TGFA: variants seen among roughly 807,000 people sequenced by gnomAD.
TGFA encodes the protein transforming growth factor alpha, also known as protransforming growth factor alpha.
Under a neutral mutation model 21.7 loss-of-function variants are expected in TGFA, and 12 were observed. That is an observed-to-expected ratio of 0.55 (90% CI 0.35 to 0.90). The LOEUF is 0.90. Ranked by LOEUF, TGFA falls within the 40% of genes least tolerant of loss-of-function variation. TGFA has a pLI of 0.01. For missense variants in TGFA, 178 were observed against 210.8 expected, an observed-to-expected ratio of 0.84 and a Z score of 0.96; for synonymous variants, 79 against 88.1, an observed-to-expected ratio of 0.90 and a Z score of 0.58.
rs1553489454 is a variant in TGFA at position 70,450,666 on chromosome 2, T to G, written c.*193A>C. On this transcript the variant is annotated 3_prime_UTR_variant, in exon 6 of 6. Coordinates refer to ENST00000295400, the MANE Select transcript of TGFA (RefSeq NM_003236.4). Reference sequence around the variant, plus strand: ...GTGGTCCGCTGATTTCTTCTCTAGGTCACACTGAATAACCCCAAGCAGACG... The same window carrying G: ...GTGGTCCGCTGATTTCTTCTCTAGGGCACACTGAATAACCCCAAGCAGACG... 1.7e-6 allele frequency: 1 copy of G among 604,152 alleles called. No homozygotes were observed. The highest frequency in any genetic ancestry group is 1.9e-5 in the African/African-American group (1 of 53,898). 37.4% of individuals were successfully genotyped at this position (604,152 alleles called of 1,614,324 possible).
chr2:70,456,582 T>C (rs11466258), intron 3 of TGFA, 94 bp from the exon 4 acceptor site: 34,806 of 1,450,328 alleles, frequency 0.024, 849 homozygotes, highest in Admixed American at 0.12. Context: ...ACCCAGAGCC[T>C]GCAGGTAAAG....
chr2:70,541,057 TAA>T (rs1356895546), intron 1 of TGFA, among the ~76,000 whole-genome samples: 15 of 152,302 alleles, frequency 9.8e-5, no homozygotes, highest in South Asian at 6.2e-4. Context: ...CAAAATATAT[TAA>T]GAGACAAAAA....
chr2:70,553,699 G>T (rs781959102), intron 1 of TGFA, 29 bp downstream of exon 1: 2 of 1,331,204 alleles, frequency 1.5e-6, no homozygotes, highest in African/African-American at 1.5e-5. Flanking sequence ...GTCGCGCGGC[G>T]CAGGGGGCGC....
chr2:70,505,693 CA>C lies in TGFA; in HGVS notation c.94+9165del, dbSNP rs782803520. On this transcript the variant is annotated intron_variant, in intron 2 of 5. Transcript: ENST00000295400. The stretch of plus-strand genomic sequence containing the variant: ...TGACAACTAGGAAGGAAAAAAAAAA[CA>C]AAAAACTTTCTCCTTTTGAGCCCCC... Among the ~76,000 whole-genome samples, 27 of 151,750 alleles carry C rather than the reference CA, an allele frequency of 1.8e-4. No homozygotes were observed. The South Asian group carries it at 2.5e-3, about 14-fold the overall frequency.
intron 1 of TGFA, among the ~76,000 whole-genome samples, chr2:70,518,041 G>T (rs79401874): frequency 6.6e-6 from 1 of 152,238 alleles, no homozygotes; most frequent in African/African-American, 2.4e-5. Context: ...TCCAAACAAA[G>T]GAAGGATGGG....
Position 70,448,219 on chromosome 2 carries a change from A to G in TGFA, c.*2640T>C, listed in dbSNP as rs1553488991. 1.3e-5 allele frequency: 2 copies of G among 152,208 alleles called. No individual in the cohort carries two copies. Among genetic ancestry groups the G allele is most frequent in the Non-Finnish European group, 2.9e-5 (2 of 68,030 alleles). 9.4% of individuals were successfully genotyped at this position (152,208 alleles called of 1,614,324 possible). On this transcript the variant is annotated 3_prime_UTR_variant, in exon 6 of 6. Coordinates refer to ENST00000295400, the MANE Select transcript of TGFA (RefSeq NM_003236.4). ...CTGTCTATCTTTCCATGTAGAAGAA[A>G]ACATTTCCTGTCAGGATGCTTAAAA...
chr2:70,547,607 C>A (rs1483966898), intron 1 of TGFA, among the ~76,000 whole-genome samples: 1 of 147,106 alleles, frequency 6.8e-6, no homozygotes, highest in Non-Finnish European at 1.5e-5. Flanking sequence ...GTTACAAAAA[C>A]AAGTACATTA....
intron 1 of TGFA, among the ~76,000 whole-genome samples, chr2:70,521,617 G>GTTTTTTTTTTTTTTTTTTT (rs35177436): frequency 4.2e-4 from 37 of 87,094 alleles, no homozygotes; most frequent in South Asian, 9.8e-4. Context: ...TTGTTTGTTT[G>GTTTTTTTTTTTTTTTTTTT]TTTTTTTTTT....
intron 3 of TGFA, among the ~76,000 whole-genome samples, chr2:70,458,918 C>T (rs1407787382): frequency 4.6e-5 from 7 of 152,110 alleles, no homozygotes; most frequent in Admixed American, 6.5e-5. Context: ...AGAATGGGGC[C>T]GGGGAGCCTG....
chr2:70,545,267 AAAGAAGAAG>A (rs58387557), intron 1 of TGFA, among the ~76,000 whole-genome samples: 9 of 151,894 alleles, frequency 5.9e-5, no homozygotes, highest in African/African-American at 2.2e-4. Flanking sequence ...AGACGAAGAA[AAAGAAGAAG>A]AAGAAGAAGA....
chr2:70,458,344 A>G (rs1553490934), intron 3 of TGFA, among the ~76,000 whole-genome samples: 2 of 152,154 alleles, frequency 1.3e-5, no homozygotes, highest in African/African-American at 4.8e-5. Flanking sequence ...TCCTGCACCC[A>G]GATGGCTCTC....
chr2:70,450,709 T>C lies in TGFA; in HGVS notation c.*150A>G. ...AGCAGACGGAGTTCTTGACAGAGTT[T>C]TGAAGGCCCACAAAAGGCTGCACAG... On this transcript the variant is annotated 3_prime_UTR_variant, in exon 6 of 6. Transcript: ENST00000295400. The C allele has an allele frequency of 1.2e-6, 1 of 811,158 alleles. No homozygotes were observed. The highest frequency in any genetic ancestry group is 2.0e-6 in the Non-Finnish European group (1 of 495,022). 50.2% of individuals were successfully genotyped at this position (811,158 alleles called of 1,614,324 possible).
chr2:70,553,524 G>A lies in TGFA; in HGVS notation c.40+204C>T, dbSNP rs1189683386. On this transcript the variant is annotated intron_variant, in intron 1 of 5. Coordinates refer to ENST00000295400, the MANE Select transcript of TGFA (RefSeq NM_003236.4). ...CGGCCCAGGCAGCCACTTTCCCGGG[G>A]AAGCCTCGGCGCTCGACCGGACAGT... is the stretch of plus-strand genomic sequence containing the variant. 2.2e-6 allele frequency: 3 copies of A among 1,373,508 alleles called. No individual in the cohort carries two copies. The Admixed American group carries it at 1.0e-4, about 47-fold the overall frequency. 85.1% of individuals were successfully genotyped at this position (1,373,508 alleles called of 1,614,324 possible). A position where few individuals can be genotyped will look rare whatever the true frequency, so the allele number is the denominator to read the frequency against.
intron 1 of TGFA, among the ~76,000 whole-genome samples, chr2:70,527,070 T>G (rs1430822447): frequency 6.6e-6 from 1 of 152,262 alleles, no homozygotes; most frequent in African/African-American, 2.4e-5. Context: ...AAACACACCC[T>G]TATACAATCC....
intron 3 of TGFA, among the ~76,000 whole-genome samples, chr2:70,464,289 A>G (rs1197898947): frequency 6.6e-6 from 1 of 152,244 alleles, no homozygotes; most frequent in Non-Finnish European, 1.5e-5. Flanking sequence ...TCATGGGGTC[A>G]GTATGATTAA....
intron 1 of TGFA, among the ~76,000 whole-genome samples, chr2:70,520,603 G>A (rs2103871973): frequency 6.6e-6 from 1 of 152,174 alleles, no homozygotes; most frequent in Admixed American, 6.5e-5. Context: ...TAAAAAAAGA[G>A]AAATCTGAGA....
At chr2:70,475,913 C>A (rs1206925982) in intron 2 of TGFA, among the ~76,000 whole-genome samples, 1 of 151,824 alleles carries the variant, frequency 6.6e-6, no homozygotes, top group Non-Finnish European at 1.5e-5. Flanking sequence ...TGCCAATCAC[C>A]ATTCTACATT....
intron 2 of TGFA, among the ~76,000 whole-genome samples, chr2:70,491,064 G>T (rs1671418974): frequency 6.6e-6 from 1 of 152,158 alleles, no homozygotes; most frequent in Non-Finnish European, 1.5e-5. Flanking sequence ...CAAGCCCAGA[G>T]GCAGCACAGA....
chr2:70,503,539 G>A (rs1671803688), intron 2 of TGFA, among the ~76,000 whole-genome samples: 1 of 149,168 alleles, frequency 6.7e-6, no homozygotes, highest in Non-Finnish European at 1.5e-5. Context: ...AAACCTGCAC[G>A]TTGCGCACAT....
Sources: allele counts gnomAD v4.1 joint callset (sites outside exome capture counted in the v4.1 genomes callset), GRCh38; gene constraint gnomAD v4.1.1; transcripts MANE v1.5; gene names NCBI Gene and HGNC (gene_info 2026-07-23, HGNC 2026-07-21).